Variants in LINGO1 observed in about 807,000 individuals in gnomAD.
The protein encoded by LINGO1 is leucine-rich repeat and immunoglobulin-like domain-containing nogo receptor-interacting protein 1.
LINGO1 carries 11 observed loss-of-function variants against 37.3 expected under a neutral mutation model. The ratio of observed to expected loss-of-function variants is 0.29; its 90% CI spans 0.19 to 0.49. The LOEUF (loss-of-function observed/expected upper bound fraction) is 0.49. Among genes scored for constraint, LINGO1 ranks in the 20% least tolerant of loss-of-function variants. The pLI, the probability that LINGO1 is intolerant of heterozygous loss-of-function variation, is 0.99. For missense variants in LINGO1, 585 were observed against 878.2 expected (o/e 0.67, Z 4.22); for synonymous variants, 387 against 403.0 (o/e 0.96, Z 0.48).
chr15:77,676,228 A>G (rs1016586216), intron 3 of LINGO1, among the ~76,000 whole-genome samples: 1 of 152,242 alleles, frequency 6.6e-6, no homozygotes, highest in Non-Finnish European at 1.5e-5. Flanking sequence ...CACAACAGCC[A>G]CTGGAGGCAG....
intron 1 of LINGO1, among the ~76,000 whole-genome samples, chr15:77,771,057 G>C (rs567159383): frequency 5.9e-5 from 9 of 152,330 alleles, no homozygotes; most frequent in South Asian, 2.1e-4. Flanking sequence ...GGGTCAGAGA[G>C]AGGAGAGGTC....
At position 77,614,899 on chromosome 15, in the gene LINGO1, G is replaced by A. The variant is rs375759643; in HGVS notation, c.1008C>T (p.Tyr336=). The change falls in exon 2 of 2, where the codon TAC becomes TAT. Residue 336 remains tyrosine, a synonymous_variant. Coordinates refer to ENST00000355300, the MANE Select transcript of LINGO1 (RefSeq NM_032808.7). ...TGCCAGAGACATTGAGCACGCGCAG[G>A]TAGTTGAGGCCGCGGAAGGCATAGG... ...VEPYAFRGLN[Y]LRVLNVSGNQ... is the part of the protein sequence containing the mutation. 349 of 1,613,884 alleles carry A rather than the reference G, an allele frequency of 2.2e-4. No homozygotes were observed. Among genetic ancestry groups the A allele is most frequent in the Middle Eastern group, 3.3e-4 (2 of 6,080 alleles).
intron 1 of LINGO1, among the ~76,000 whole-genome samples, chr15:77,756,022 G>A (rs1178544375): frequency 6.6e-6 from 1 of 152,148 alleles, no homozygotes; most frequent in Non-Finnish European, 1.5e-5. Flanking sequence ...CTCAGCAAAG[G>A]CTTGCTGGTG....
At chr15:77,778,853 C>T (rs1242523635) in intron 1 of LINGO1, among the ~76,000 whole-genome samples, 1 of 148,488 alleles carries the variant, frequency 6.7e-6, no homozygotes, top group Non-Finnish European at 1.5e-5. Flanking sequence ...TTTGCTAAAA[C>T]CCTGCGGTGA....
At chr15:77,753,456 T>C (rs558367107) in intron 1 of LINGO1, among the ~76,000 whole-genome samples, 1 of 152,342 alleles carries the variant, frequency 6.6e-6, no homozygotes, top group African/African-American at 2.4e-5. Flanking sequence ...GCGCTGTTCA[T>C]GGTGCTGAAT....
chr15:77,707,226 G>A (rs2141286012), intron 2 of LINGO1, among the ~76,000 whole-genome samples: 1 of 152,312 alleles, frequency 6.6e-6, no homozygotes, highest in South Asian at 2.1e-4. Flanking sequence ...TGGGGAGGAG[G>A]AGGAGAAGTC....
chr15:77,703,423 G>C (rs2141278384), intron 2 of LINGO1, among the ~76,000 whole-genome samples: 1 of 152,276 alleles, frequency 6.6e-6, no homozygotes, highest in Admixed American at 6.5e-5. Context: ...AGGAATATTG[G>C]CAGTGGGAGG....
chr15:77,715,895 C>A (rs924085013), intron 2 of LINGO1, among the ~76,000 whole-genome samples: 1 of 152,210 alleles, frequency 6.6e-6, no homozygotes, highest in African/African-American at 2.4e-5. Flanking sequence ...TCCACTGGCA[C>A]GCTGTGCACA....
chr15:77,659,381 C>T (rs1044181891), intron 3 of LINGO1, among the ~76,000 whole-genome samples: 25 of 152,092 alleles, frequency 1.6e-4, no homozygotes, highest in African/African-American at 6.0e-4. Context: ...TGCAATCATG[C>T]CCTACCTAGG....
intron 1 of LINGO1, among the ~76,000 whole-genome samples, chr15:77,775,124 G>A (rs1309443050): frequency 5.3e-5 from 8 of 152,142 alleles, no homozygotes; most frequent in Admixed American, 5.2e-4. Flanking sequence ...AGCACCTCGG[G>A]GCTAGAGGGA....
At chr15:77,691,054 T>C (rs1423883623) in intron 1 of LINGO1, among the ~76,000 whole-genome samples, 1 of 152,248 alleles carries the variant, frequency 6.6e-6, no homozygotes, top group Admixed American at 6.5e-5. Context: ...TTGACAGAAC[T>C]TTCTACCACA....
upstream of LINGO1, among the ~76,000 whole-genome samples, chr15:77,791,895 T>C (rs115966850): frequency 8.8e-3 from 1,333 of 152,100 alleles, 17 homozygotes; most frequent in African/African-American, 0.03. Flanking sequence ...GGGGACCTTG[T>C]CTGCAAAGTT....
chr15:77,771,399 T>C (rs1050195388), intron 1 of LINGO1, among the ~76,000 whole-genome samples: 1 of 152,040 alleles, frequency 6.6e-6, no homozygotes, highest in African/African-American at 2.4e-5. Context: ...CTCCGGCACA[T>C]TGATGTGGAG....
chr15:77,776,101 T>C (rs1367197242), intron 1 of LINGO1, among the ~76,000 whole-genome samples: 1 of 152,106 alleles, frequency 6.6e-6, no homozygotes, highest in Non-Finnish European at 1.5e-5. Flanking sequence ...TCTCCGTTTA[T>C]GACATTACCC....
At chr15:77,807,517 C>A (rs898310121) in intron 1 of LINGO1, among the ~76,000 whole-genome samples, 1 of 152,158 alleles carries the variant, frequency 6.6e-6, no homozygotes, top group African/African-American at 2.4e-5. Flanking sequence ...CATATAATCA[C>A]TCTGTAATGG....
At chr15:77,664,788 G>C (rs1353577305) in intron 3 of LINGO1, among the ~76,000 whole-genome samples, 3 of 152,226 alleles carry the variant, frequency 2.0e-5, no homozygotes, top group Admixed American at 1.3e-4. Flanking sequence ...CCAGGCCTGA[G>C]AGCAGCAAGT....
At chr15:77,721,544 C>T (rs1397257492) in intron 2 of LINGO1, among the ~76,000 whole-genome samples, 1 of 152,204 alleles carries the variant, frequency 6.6e-6, no homozygotes, top group Non-Finnish European at 1.5e-5. Context: ...CTTTATTTGT[C>T]ACCTCCATTC....
intron 1 of LINGO1, among the ~76,000 whole-genome samples, chr15:77,776,071 G>A (rs114226884): frequency 0.015 from 2,224 of 152,136 alleles, 50 homozygotes; most frequent in African/African-American, 0.051. Flanking sequence ...CCACCACCAC[G>A]GCTGTTTCCA....
chr15:77,689,149 G>A (rs866864534), intron 2 of LINGO1, among the ~76,000 whole-genome samples: 1 of 152,218 alleles, frequency 6.6e-6, no homozygotes, highest in Non-Finnish European at 1.5e-5. Flanking sequence ...GTTGAGAGAA[G>A]AGGAATCACT....
Sources: gnomAD v4.1 joint callset for allele counts (sites outside exome capture counted in the v4.1 genomes callset) on GRCh38, gnomAD v4.1.1 for gene constraint, MANE v1.5 for transcripts, NCBI Gene and HGNC (gene_info 2026-07-23, HGNC 2026-07-21) for gene names.